Variants in LRP1B observed in about 807,000 individuals in gnomAD.
The protein encoded by LRP1B is low-density lipoprotein receptor-related protein 1B.
A neutral mutation model predicts 556.6 loss-of-function variants in LRP1B; 217 were observed. The observed-to-expected ratio is 0.39, with a 90% confidence interval of 0.35 to 0.44. The LOEUF (loss-of-function observed/expected upper bound fraction) is 0.44, where lower values mean the gene tolerates loss of function less well. Ranked by LOEUF, LRP1B falls within the 20% of genes least tolerant of loss-of-function variation. The probability of loss-of-function intolerance (pLI) is 1.00; values close to 1 mark genes in which losing one functional copy is unlikely to be tolerated. For synonymous variants in LRP1B, 2,047 were observed against 1,865.8 expected, an observed-to-expected ratio of 1.10 and a Z score of -2.50; for missense variants, 5,053 against 5,620.8, an observed-to-expected ratio of 0.90 and a Z score of 3.23.
At chr2:140,464,650 T>C (rs1573968357) in intron 60 of LRP1B, among the ~76,000 whole-genome samples, 1 of 152,200 alleles carries the variant, frequency 6.6e-6, no homozygotes, top group Non-Finnish European at 1.5e-5. Context: ...AGTATATTCC[T>C]TTTGCTTCGA....
chr2:142,067,200 GTCTC>G (rs1278890751), intron 1 of LRP1B, among the ~76,000 whole-genome samples: 3 of 151,320 alleles, frequency 2.0e-5, no homozygotes, highest in Non-Finnish European at 4.4e-5. Flanking sequence ...TCCAGGATAA[GTCTC>G]TCTATCTCAA....
At chr2:140,723,469 A>G (rs1426460161) in intron 35 of LRP1B, among the ~76,000 whole-genome samples, 2 of 152,216 alleles carry the variant, frequency 1.3e-5, no homozygotes, top group African/African-American at 4.8e-5. Flanking sequence ...AGTCATCAAG[A>G]AAGTTAAAGA....
chr2:141,092,795 C>G (rs1220720709), intron 7 of LRP1B, among the ~76,000 whole-genome samples: 2 of 152,108 alleles, frequency 1.3e-5, no homozygotes, highest in African/African-American at 4.8e-5. Context: ...CATGAGAGTT[C>G]AAGCGTTCGA....
intron 87 of LRP1B, among the ~76,000 whole-genome samples, chr2:140,242,712 CCT>C (rs1257376213): frequency 6.6e-6 from 1 of 150,698 alleles, no homozygotes; most frequent in Non-Finnish European, 1.5e-5. Context: ...AGGAGCAAAT[CCT>C]CTGTTGTCAG....
chr2:140,536,902 G>A (rs559811600), intron 45 of LRP1B, among the ~76,000 whole-genome samples, 193 bp from the exon 46 acceptor site: 2 of 151,486 alleles, frequency 1.3e-5, no homozygotes, highest in Admixed American at 6.6e-5. Flanking sequence ...GGCCAGGCGC[G>A]GTGGCTCACG....
At chr2:141,653,473 C>T (rs1325009891) in intron 2 of LRP1B, among the ~76,000 whole-genome samples, 1 of 152,144 alleles carries the variant, frequency 6.6e-6, no homozygotes, top group African/African-American at 2.4e-5. Flanking sequence ...GCAGAGTGCT[C>T]CTGGCATCAA....
At chr2:140,538,944 T>C (rs1005031646) in intron 45 of LRP1B, among the ~76,000 whole-genome samples, 4 of 152,186 alleles carry the variant, frequency 2.6e-5, no homozygotes, top group Non-Finnish European at 4.4e-5. Flanking sequence ...AAACATTGTA[T>C]GAATACAATT....
intron 1 of LRP1B, among the ~76,000 whole-genome samples, chr2:141,811,103 C>G (rs1696339018): frequency 6.6e-6 from 1 of 152,066 alleles, no homozygotes; most frequent in South Asian, 2.1e-4. Context: ...AGCCTTTCCT[C>G]AAGTCCTCGC....
intron 41 of LRP1B, among the ~76,000 whole-genome samples, chr2:140,630,348 G>A (rs958946964): frequency 3.3e-5 from 5 of 152,136 alleles, no homozygotes; most frequent in African/African-American, 9.7e-5. Context: ...ACTCCATTTC[G>A]CACAATAAGA....
intron 2 of LRP1B, among the ~76,000 whole-genome samples, chr2:141,662,477 T>C (rs938081731): frequency 6.6e-6 from 1 of 151,542 alleles, no homozygotes; most frequent in African/African-American, 2.4e-5. Flanking sequence ...AATAAAGGGA[T>C]GGAGGAAAAT....
At chr2:142,076,340 C>G (rs1559057264) in intron 1 of LRP1B, among the ~76,000 whole-genome samples, 2 of 152,046 alleles carry the variant, frequency 1.3e-5, no homozygotes, top group Non-Finnish European at 2.9e-5. Flanking sequence ...CAACAGCATC[C>G]TCAAAAGGAA....
At chr2:140,459,562 CTT>C (rs1284076375) in intron 60 of LRP1B, among the ~76,000 whole-genome samples, 2 of 152,100 alleles carry the variant, frequency 1.3e-5, no homozygotes, top group African/African-American at 4.8e-5. Context: ...AAAAGGAAGT[CTT>C]TTTAATTATT....
intron 66 of LRP1B, among the ~76,000 whole-genome samples, chr2:140,389,712 T>C (rs1254450037): frequency 6.8e-6 from 1 of 148,118 alleles, no homozygotes; most frequent in Non-Finnish European, 1.5e-5. Context: ...CAAAGTTTTA[T>C]ATATATATAG....
intron 7 of LRP1B, among the ~76,000 whole-genome samples, chr2:141,153,436 A>G (rs187302753): frequency 3.7e-4 from 45 of 121,508 alleles, no homozygotes; most frequent in African/African-American, 1.3e-3. Flanking sequence ...TATATATAAT[A>G]TATTATATAT....
chr2:140,430,635 C>T (rs1685889199), intron 66 of LRP1B, among the ~76,000 whole-genome samples: 1 of 152,212 alleles, frequency 6.6e-6, no homozygotes, highest in Non-Finnish European at 1.5e-5. Context: ...TCAATCTCTT[C>T]CCACACAAGG....
intron 2 of LRP1B, among the ~76,000 whole-genome samples, chr2:141,635,935 T>G (rs1236134572): frequency 6.6e-6 from 1 of 152,202 alleles, no homozygotes; most frequent in Admixed American, 6.6e-5. Flanking sequence ...ATAACTGATC[T>G]GAGAAGCCAA....
At chr2:142,012,980 G>A (rs1246313422) in intron 1 of LRP1B, among the ~76,000 whole-genome samples, 1 of 152,116 alleles carries the variant, frequency 6.6e-6, no homozygotes, top group Non-Finnish European at 1.5e-5. Flanking sequence ...TTCATGGAAA[G>A]GAAGGGATTA....
At chr2:140,239,332 C>T (rs1269757639) in intron 88 of LRP1B, 110 bp downstream of exon 88, 3 of 602,484 alleles carry the variant, frequency 5.0e-6, no homozygotes, top group African/African-American at 1.9e-5. Flanking sequence ...TTGTATTTTA[C>T]AGTTGGCATA....
At chr2:141,316,544 G>A (rs62165665) in intron 3 of LRP1B, among the ~76,000 whole-genome samples, 35,897 of 152,046 alleles carry the variant, frequency 0.24, 5,080 homozygotes, top group East Asian at 0.51. Context: ...AGGAGGTAGG[G>A]AAACTACCTC....
Sources: allele counts gnomAD v4.1 joint callset (sites outside exome capture counted in the v4.1 genomes callset), GRCh38; gene constraint gnomAD v4.1.1; transcripts MANE v1.5; gene names NCBI Gene and HGNC (gene_info 2026-07-23, HGNC 2026-07-21).